PLXNB3: variants seen among roughly 807,000 people sequenced by gnomAD.
PLXNB3 encodes plexin B3.
PLXNB3 carries 80 observed loss-of-function variants against 125.7 expected under a neutral mutation model. That is an observed-to-expected ratio of 0.64 (90% CI 0.53 to 0.77). The LOEUF (loss-of-function observed/expected upper bound fraction) is 0.77. PLXNB3 is among the 30% of genes least tolerant of loss of function. PLXNB3 has a pLI of 0.00. For missense variants in PLXNB3, 1,836 were observed against 1,729.3 expected, an observed-to-expected ratio of 1.06 and a Z score of -1.09; for synonymous variants, 954 against 783.3, an observed-to-expected ratio of 1.22 and a Z score of -3.64.
intron 16 of PLXNB3, 58 bp from the exon 17 acceptor site, chrX:153,772,828 G>C (rs1459235436): frequency 6.6e-6 from 7 of 1,064,931 alleles, no homozygotes; most frequent in Non-Finnish European, 8.4e-6. Context: ...GCATGGCCCA[G>C]GGGGGTGAAA....
intron 32 of PLXNB3, 52 bp downstream of exon 32, chrX:153,778,147 T>C (rs1557065162): frequency 8.3e-7 from 1 of 1,206,441 alleles, no homozygotes; most frequent in African/African-American, 1.7e-5. Context: ...GAGGAAAGGC[T>C]TATGGGGGAA....
rs181680170 is a variant in PLXNB3, at chrX:153,776,266, C to T, written c.4729+52C>T. On this transcript the variant is annotated intron_variant, in intron 27 of 35. Coordinates refer to ENST00000361971, the MANE Select transcript of PLXNB3 (RefSeq NM_005393.3). The stretch of plus-strand genomic sequence containing the variant: ...CCCCAGGGACCCTTCCCTACCCCTC[C>T]GGCACCTGGAGCCCCTCAACTGTGT... 9 of 1,070,047 alleles carry T rather than the reference C, an allele frequency of 8.4e-6. No homozygotes were observed. In the Admixed American group the frequency reaches 2.0e-4, roughly 24 times the overall value. The allele number at this position is 1,070,047 out of a possible 1,213,427, so 88.2% of individuals were successfully genotyped here. A position where few individuals can be genotyped will look rare whatever the true frequency, so the allele number is the denominator to read the frequency against.
rs369029384 is a variant in PLXNB3, at chrX:153,768,439, G to A, written c.1266+11G>A. The A allele has an allele frequency of 1.5e-4, 175 of 1,181,858 alleles. No individual in the cohort carries two copies. Among genetic ancestry groups the A allele is most frequent in the African/African-American group, 9.1e-4 (52 of 57,118 alleles). On this transcript the variant is annotated intron_variant, in intron 4 of 35. Coordinates refer to ENST00000361971, the MANE Select transcript of PLXNB3 (RefSeq NM_005393.3). ...GGCCAGCTGTACAAGGTGAGGGCCC[G>A]GCCTTGCTGTCCGGCTGGGTGTGCC...
At chrX:153,765,705 A>G (rs2091849886) in intron 2 of PLXNB3, 125 bp downstream of exon 2, 8 of 1,144,765 alleles carry the variant, frequency 7.0e-6, no homozygotes, top group Non-Finnish European at 8.1e-6. Flanking sequence ...TGCCCCAGAT[A>G]GCCCGGGGTC....
chrX:153,774,237 G>A lies in PLXNB3; in HGVS notation c.3571G>A (p.Gly1191Ser), dbSNP rs1557063131. 4 of 1,196,665 alleles carry A rather than the reference G, an allele frequency of 3.3e-6. No individual in the cohort carries two copies. Among genetic ancestry groups the A allele is most frequent in the African/African-American group, 3.5e-5 (2 of 57,541 alleles). The stretch of plus-strand genomic sequence containing the variant: ...CAAGGAGGAGGTGCGCGTGCACATC[G>A]GCCGCGGCGAGTGCCTGGTGAAGAC... Reference protein sequence around the residue: ...ISKEEVRVHIGRGECLVKTLT... With the variant: ...ISKEEVRVHISRGECLVKTLT... The change falls in exon 21 of 36, where the codon GGC becomes AGC. Residue 1191 changes from glycine (G) to serine (S), a missense_variant. Coordinates refer to ENST00000361971, the MANE Select transcript of PLXNB3 (RefSeq NM_005393.3).
intron 2 of PLXNB3, 178 bp from the exon 3 acceptor site, chrX:153,766,695 C>T (rs2091862375): frequency 2.7e-6 from 2 of 731,840 alleles, no homozygotes; most frequent in Admixed American, 9.0e-5. Context: ...TTATGTCCCC[C>T]TCTCTCTGTG....
At chrX:153,777,751 G>C in intron 31 of PLXNB3, 63 bp downstream of exon 31, 2 of 1,151,911 alleles carry the variant, frequency 1.7e-6, no homozygotes, top group South Asian at 1.9e-5. Context: ...GAGAGACCAG[G>C]ACATTCCCAG....
rs890964547 is a variant in PLXNB3 at position 153,779,047 on chromosome X, C to T, written c.*8C>T. On this transcript the variant is annotated 3_prime_UTR_variant, in exon 36 of 36. Coordinates refer to ENST00000361971, the MANE Select transcript of PLXNB3 (RefSeq NM_005393.3). ...AAAGTGACTGACCTGTGAGCTCTGG[C>T]TCAGACAGCAGCAAGCCGGATCCAC... 1 of 1,138,892 alleles carries T rather than the reference C, an allele frequency of 8.8e-7. No homozygotes were observed. Among genetic ancestry groups the T allele is most frequent in the South Asian group, 2.0e-5 (1 of 49,275 alleles). The allele number at this position is 1,138,892 out of a possible 1,213,427, so 93.9% of individuals were successfully genotyped here.
At position 153,775,318 on chromosome X, in the gene PLXNB3, G is replaced by C. The variant is rs1557063681; in HGVS notation, c.4249G>C (p.Glu1417Gln). The C allele has an allele frequency of 8.3e-7, 1 of 1,210,566 alleles. No homozygotes were observed. Among genetic ancestry groups the C allele is most frequent in the Admixed American group, 2.2e-5 (1 of 46,083 alleles). ...LLSLALHGKL[E>Q]YLTDIMRTLL... ...GTCGCTAGCGCTACACGGCAAGCTGGAGTACCTGACGGACATCATGAGGAC... is the reference window on the plus strand; with the variant it reads ...GTCGCTAGCGCTACACGGCAAGCTGCAGTACCTGACGGACATCATGAGGAC... The change falls in exon 25 of 36, where the codon GAG (glutamate) becomes CAG (glutamine). Residue 1417 changes from glutamate to glutamine, a missense_variant. By Grantham distance (29) the Glu-to-Gln change is conservative. Transcript: ENST00000361971.
At chrX:153,774,131 G>T in intron 20 of PLXNB3, 33 bp downstream of exon 20, 1 of 1,199,020 alleles carries the variant, frequency 8.3e-7, no homozygotes. Flanking sequence ...CCCCGCCACG[G>T]TGCTCAGGCC....
intron 16 of PLXNB3, 154 bp from the exon 17 acceptor site, chrX:153,772,732 G>T: frequency 2.9e-6 from 3 of 1,038,837 alleles, no homozygotes; most frequent in Non-Finnish European, 3.7e-6. Context: ...AGTGTGCAGT[G>T]GCCTCGGGAA....
In PLXNB3 at chrX:153,765,548, G is replaced by T; in HGVS notation, c.13G>T (p.Ala5Ser). The T allele has an allele frequency of 8.4e-7, 1 of 1,196,902 alleles. No individual in the cohort carries two copies. Among genetic ancestry groups the T allele is most frequent in the Non-Finnish European group, 1.1e-6 (1 of 888,094 alleles). The change falls in exon 2 of 36, where the codon GCC (alanine) becomes TCC (serine). Residue 5 changes from alanine to serine, a missense_variant. By Grantham distance (99) the Ala-to-Ser change is moderately conservative (BLOSUM62 1). Coordinates refer to ENST00000361971, the MANE Select transcript of PLXNB3 (RefSeq NM_005393.3). Reference sequence around the variant, plus strand: ...CTGAACTGAGCGTATGTGCCACGCCGCCCAGGAGACCCCTCTGCTGCACCA... The same window carrying T: ...CTGAACTGAGCGTATGTGCCACGCCTCCCAGGAGACCCCTCTGCTGCACCA... MCHAAQETPLLHHFM... is the reference protein window; with the variant it reads MCHASQETPLLHHFM...
At chrX:153,766,286 C>A in intron 2 of PLXNB3, 1 of 1,165,644 alleles carries the variant, frequency 8.6e-7, no homozygotes, top group Non-Finnish European at 1.1e-6. Context: ...CCCCCAGCTG[C>A]GGAGGGTTCC....
chrX:153,767,896 T>C lies in PLXNB3; in HGVS notation c.1069T>C (p.Cys357Arg), dbSNP rs1409552761. 1 of 1,097,813 alleles carries C rather than the reference T, an allele frequency of 9.1e-7. No homozygotes were observed. The highest frequency in any genetic ancestry group is 1.8e-5 in the African/African-American group (1 of 54,261). 90.5% of individuals were successfully genotyped at this position (1,097,813 alleles called of 1,213,427 possible). Residue 357 changes from cysteine to arginine, a missense_variant, in exon 3 of 36, where the codon TGC (cysteine) becomes CGC (arginine). By Grantham distance (180) the Cys-to-Arg change is radical. Transcript: ENST00000361971. ...ATVEYGVTSRCVTLPLDSPES... is the reference protein window; with the variant it reads ...ATVEYGVTSRRVTLPLDSPES... ...CGTGGAGTACGGCGTCACGTCGCGC[T>C]GCGTCACCCTGCCCCTTGTGAGTGG...
At position 153,774,820 on chromosome X, in the gene PLXNB3, C is replaced by T. The variant is rs782535909; in HGVS notation, c.3931+14C>T. On this transcript the variant is annotated intron_variant, in intron 23 of 35. Coordinates refer to ENST00000361971, the MANE Select transcript of PLXNB3 (RefSeq NM_005393.3). Reference sequence around the variant, plus strand: ...AGGAGTTCACAGGTGGGTGCGGAGGCGGGGGGACAGGGTACCCACGAGGCC... The same window carrying T: ...AGGAGTTCACAGGTGGGTGCGGAGGTGGGGGGACAGGGTACCCACGAGGCC... 4 of 1,209,475 alleles carry T rather than the reference C, an allele frequency of 3.3e-6. No homozygotes were observed. The highest frequency in any genetic ancestry group is 3.0e-5 in the East Asian group (1 of 33,838).
At chrX:153,765,800 G>A in intron 2 of PLXNB3, 7 of 754,693 alleles carry the variant, frequency 9.3e-6, no homozygotes, top group Non-Finnish European at 1.1e-5. Context: ...TCTGCCCTGA[G>A]TCGCAGCGGC....
At chrX:153,769,561 A>G (rs1333473501) in intron 6 of PLXNB3, among the ~76,000 whole-genome samples, 4 of 112,702 alleles carry the variant, frequency 3.5e-5, no homozygotes, top group Non-Finnish European at 7.5e-5. Flanking sequence ...GGAATCCTTT[A>G]AGGCAGCCCT....
rs140462667 is a variant in PLXNB3, at chrX:153,767,334, G to A, written c.507G>A (p.Pro169=). The change falls in exon 3 of 36, where the codon CCG becomes CCA. Residue 169 remains proline, a synonymous_variant. Coordinates refer to ENST00000361971, the MANE Select transcript of PLXNB3 (RefSeq NM_005393.3). ...GDGQFVAANT[P]GVATVGLVVP... ...GGCAGTTTGTGGCTGCCAATACCCC[G>A]GGAGTGGCAACGGTGGGGCTGGTGG... 185 of 1,203,295 alleles carry A rather than the reference G, an allele frequency of 1.5e-4. 1 individual carries two copies. The African/African-American group carries it at 2.3e-3, about 15-fold the overall frequency.
intron 34 of PLXNB3, 61 bp downstream of exon 34, chrX:153,778,532 A>AG: frequency 8.5e-7 from 1 of 1,181,604 alleles, no homozygotes; most frequent in Non-Finnish European, 1.1e-6. Context: ...AGCAGAGCAG[A>AG]GGGGGGAGAC....
Sources: gnomAD v4.1 joint callset for allele counts (sites outside exome capture counted in the v4.1 genomes callset) on GRCh38, gnomAD v4.1.1 for gene constraint, MANE v1.5 for transcripts, NCBI Gene and HGNC (gene_info 2026-07-23, HGNC 2026-07-21) for gene names.